Variants in CYP4F22 observed in about 807,000 individuals in gnomAD.
The protein encoded by CYP4F22 is cytochrome P450 family 4 subfamily F member 22.
CYP4F22 carries 37 observed loss-of-function variants against 60.4 expected under a neutral mutation model. The ratio of observed to expected loss-of-function variants is 0.61; its 90% CI spans 0.47 to 0.81. The LOEUF is 0.81. Among genes scored for constraint, CYP4F22 ranks in the 30% least tolerant of loss-of-function variants. The probability of loss-of-function intolerance (pLI) is 0.00; values close to 1 mark genes in which losing one functional copy is unlikely to be tolerated. For synonymous variants in CYP4F22, 258 were observed against 280.5 expected (o/e 0.92, Z 0.80); for missense variants, 655 against 715.0 (o/e 0.92, Z 0.96).
chr19:15,538,315 A>G (rs1198054653), intron 7 of CYP4F22, among the ~76,000 whole-genome samples: 2 of 152,152 alleles, frequency 1.3e-5, no homozygotes, highest in Non-Finnish European at 1.5e-5. Flanking sequence ...TGGTCTTTGG[A>G]CAGTGTCCTC....
rs769211003 is a variant in CYP4F22, at chr19:15,548,201, G to A, written c.1230G>A (p.Thr410=). The change falls in exon 11 of 14, where the codon ACG becomes ACA. Residue 410 remains threonine (T), a synonymous_variant. Transcript: ENST00000269703. ...TCACTCTTGTCTCTCGCCAATGCACGGAGGACATCAAGCTCCCAGATGGGC... is the reference window on the plus strand; with the variant it reads ...TCACTCTTGTCTCTCGCCAATGCACAGAGGACATCAAGCTCCCAGATGGGC... ...PPVTLVSRQC[T]EDIKLPDGRI... 3.1e-6 allele frequency: 5 copies of A among 1,614,104 alleles called. No individual in the cohort carries two copies. In the East Asian group the frequency reaches 6.7e-5, roughly 22 times the overall value.
chr19:15,547,968 TGAGAGAGA>T lies in CYP4F22; in HGVS notation c.1137-120_1137-113del, dbSNP rs748042791. Reference sequence around the variant, plus strand: ...GACTGGTTTCTTGCCCAGCTGCCCCTGAGAGAGAGAGAGAGAGAGAGAGAGAGGGAGAG... The same window carrying T: ...GACTGGTTTCTTGCCCAGCTGCCCCTGAGAGAGAGAGAGAGAGAGGGAGAG... On this transcript the variant is annotated intron_variant, in intron 10 of 13. Transcript: ENST00000269703. 3.2e-5 allele frequency: 34 copies of T among 1,070,304 alleles called. 1 individual carries two copies. The highest frequency in any genetic ancestry group is 6.9e-5 in the Admixed American group (3 of 43,332). The allele number at this position is 1,070,304 out of a possible 1,614,324, so 66.3% of individuals were successfully genotyped here.
intron 4 of CYP4F22, among the ~76,000 whole-genome samples, chr19:15,534,988 C>T (rs967099463): frequency 1.3e-5 from 2 of 152,132 alleles, no homozygotes; most frequent in African/African-American, 4.8e-5. Flanking sequence ...TGAACTTGTA[C>T]TTTATCCTGG....
chr19:15,548,110 A>G lies in CYP4F22; in HGVS notation c.1139A>G (p.Asp380Gly). The G allele has an allele frequency of 6.2e-7, 1 of 1,611,180 alleles. No individual in the cohort carries two copies. Among genetic ancestry groups the G allele is most frequent in the Non-Finnish European group, 8.5e-7 (1 of 1,179,408 alleles). ...KGRELEELEW[D>G]DLTQLPFTTM... is the part of the protein sequence containing the mutation. ...AGTTATATCTCCATTCTCCCCAGGG[A>G]CGATCTGACTCAGCTGCCCTTTACA... Residue 380 changes from aspartate to glycine, a missense_variant and splice_region_variant, in exon 11 of 14, where the codon GAC (aspartate) becomes GGC (glycine). Physicochemically the swap from Asp to Gly is moderately conservative, Grantham distance 94 (BLOSUM62 -1). This residue lies in a region of CYP4F22 where 74 missense variants were observed against 118.4 expected (regional missense o/e 0.62). Transcript: ENST00000269703.
chr19:15,525,983 G>A (rs1034296388), intron 3 of CYP4F22, among the ~76,000 whole-genome samples: 7 of 151,872 alleles, frequency 4.6e-5, no homozygotes, highest in Non-Finnish European at 1.0e-4. Context: ...GAAACACAGT[G>A]AGACCCCATC....
intron 6 of CYP4F22, 53 bp from the exon 7 acceptor site, chr19:15,537,819 C>T: frequency 6.2e-7 from 1 of 1,612,258 alleles, no homozygotes; most frequent in South Asian, 1.1e-5. Flanking sequence ...CCTTGTTAGG[C>T]TGACTCCCTC....
At chr19:15,530,649 T>C (rs1376027527) in intron 4 of CYP4F22, among the ~76,000 whole-genome samples, 2 of 151,958 alleles carry the variant, frequency 1.3e-5, no homozygotes, top group African/African-American at 4.8e-5. Flanking sequence ...CTTACAATCA[T>C]GGCGGAAGGG....
At chr19:15,538,495 A>G (rs1278396913) in intron 7 of CYP4F22, among the ~76,000 whole-genome samples, 1 of 152,250 alleles carries the variant, frequency 6.6e-6, no homozygotes, top group Non-Finnish European at 1.5e-5. Flanking sequence ...TTGCTTCATT[A>G]ATTCATTCAT....
At chr19:15,550,813 A>G in intron 13 of CYP4F22, 57 bp downstream of exon 13, 1 of 1,595,502 alleles carries the variant, frequency 6.3e-7, no homozygotes. Context: ...AGGCAGGGAA[A>G]GATCAGGAAT....
At chr19:15,525,686 A>G (rs955847054) in intron 3 of CYP4F22, 128 bp downstream of exon 3, 16 of 880,640 alleles carry the variant, frequency 1.8e-5, no homozygotes, top group East Asian at 2.7e-5. Context: ...GCAGATTTAT[A>G]TGATGGGGTA....
Position 15,537,384 on chromosome 19 carries a change from C to G in CYP4F22, c.391C>G (p.Leu131Val). Residue 131 changes from leucine to valine, a missense_variant, in exon 5 of 14, where the codon CTC becomes GTC. Transcript: ENST00000269703. ...ASAAIAPKDD[L>V]FYGFLKPWLG... ...AGCTGCCATCGCCCCCAAGGATGAC[C>G]TCTTCTATGGCTTCCTAAAACCTTG... The G allele has an allele frequency of 1.2e-6, 2 of 1,614,172 alleles. No homozygotes were observed. The highest frequency in any genetic ancestry group is 1.7e-6 in the Non-Finnish European group (2 of 1,180,018).
chr19:15,524,934 G>T (rs1224089709), intron 2 of CYP4F22, among the ~76,000 whole-genome samples: 1 of 152,222 alleles, frequency 6.6e-6, no homozygotes, highest in African/African-American at 2.4e-5. Context: ...GAAGCCTAGA[G>T]TGAGTGTGGA....
rs1429203330 is a variant in CYP4F22 at position 15,543,993 on chromosome 19, C to T, written c.962C>T (p.Ser321Leu). The stretch of plus-strand genomic sequence containing the variant: ...CAGGATGAAGATGGAAAGGAACTGT[C>T]AGACGAGGATATCCGAGCCGAAGCA... ...LARDEDGKEL[S>L]DEDIRAEADT... Residue 321 changes from serine (S) to leucine (L), a missense_variant, in exon 9 of 14, where the codon TCA becomes TTA. Ser to Leu is a moderately radical substitution (Grantham distance 145). Around this residue, in one of 3 missense-constraint regions of CYP4F22, gnomAD observed 430 missense variants for 457.1 expected, o/e 0.94. Transcript: ENST00000269703. 1 of 1,614,014 alleles carries T rather than the reference C, an allele frequency of 6.2e-7. No homozygotes were observed. The highest frequency in any genetic ancestry group is 8.5e-7 in the Non-Finnish European group (1 of 1,180,020).
At chr19:15,517,790 T>C (rs1194059370) in intron 1 of CYP4F22, among the ~76,000 whole-genome samples, 1 of 152,032 alleles carries the variant, frequency 6.6e-6, no homozygotes, top group African/African-American at 2.4e-5. Flanking sequence ...TGGCTGATTG[T>C]GGTGCAAAGG....
rs1317291123 is a variant in CYP4F22 at position 15,529,737 on chromosome 19, A to T, written c.251A>T (p.Asp84Val). The change falls in exon 4 of 14, where the codon GAT becomes GTT. Residue 84 changes from aspartate to valine, a missense_variant. Coordinates refer to ENST00000269703, the MANE Select transcript of CYP4F22 (RefSeq NM_173483.4). ...MYLPNEAGLQ[D>V]EKKVLDNMHH... is the part of the protein sequence containing the mutation. Reference sequence around the variant, plus strand: ...CTTCCAAATGAGGCGGGCCTTCAAGATGAGAAGAAGGTACTGGACAACATG... The same window carrying T: ...CTTCCAAATGAGGCGGGCCTTCAAGTTGAGAAGAAGGTACTGGACAACATG... The T allele has an allele frequency of 6.2e-7, 1 of 1,614,076 alleles. No individual in the cohort carries two copies. Among genetic ancestry groups the T allele is most frequent in the Admixed American group, 1.7e-5 (1 of 60,000 alleles).
At chr19:15,529,902 G>A (rs1314874055) in intron 4 of CYP4F22, 49 bp downstream of exon 4, 6 of 1,611,600 alleles carry the variant, frequency 3.7e-6, no homozygotes, top group South Asian at 2.2e-5. Context: ...AACTCCCAGA[G>A]CCTATCTGAG....
intron 1 of CYP4F22, among the ~76,000 whole-genome samples, chr19:15,522,729 G>A (rs780518477): frequency 4.6e-5 from 7 of 152,028 alleles, no homozygotes; most frequent in South Asian, 2.1e-4. Context: ...ATTTTGTTTC[G>A]AGACGGAGTC....
At chr19:15,518,066 G>A (rs2144502084) in intron 1 of CYP4F22, among the ~76,000 whole-genome samples, 1 of 152,184 alleles carries the variant, frequency 6.6e-6, no homozygotes, top group South Asian at 2.1e-4. Flanking sequence ...GCTGGATGAG[G>A]TGACTCATGC....
At chr19:15,513,912 G>A (rs1568352592) in intron 1 of CYP4F22, among the ~76,000 whole-genome samples, 1 of 152,218 alleles carries the variant, frequency 6.6e-6, no homozygotes, top group East Asian at 1.9e-4. Flanking sequence ...TAATAGTATC[G>A]AGCACTCTGG....
Sources: gnomAD v4.1 joint callset for allele counts (sites outside exome capture counted in the v4.1 genomes callset) on GRCh38, gnomAD v4.1.1 for gene constraint, gnomAD v4.1.1 regional missense constraint, MANE v1.5 for transcripts, NCBI Gene and HGNC (gene_info 2026-07-23, HGNC 2026-07-21) for gene names.